Variants in IL1RAP observed in about 807,000 individuals in gnomAD.
IL1RAP encodes the protein interleukin-1 receptor accessory protein.
Under a neutral mutation model 60.7 loss-of-function variants are expected in IL1RAP, and 35 were observed. That is an observed-to-expected ratio of 0.58 (90% CI 0.44 to 0.76). IL1RAP has a LOEUF of 0.76. Ranked by LOEUF, IL1RAP falls within the 30% of genes least tolerant of loss-of-function variation. The probability of loss-of-function intolerance (pLI) is 0.00; values close to 1 mark genes in which losing one functional copy is unlikely to be tolerated. For missense variants in IL1RAP, 572 were observed against 693.9 expected (o/e 0.82, Z 1.97); for synonymous variants, 268 against 250.9 (o/e 1.07, Z -0.64).
chr3:190,656,527 C>G (rs1277681059), exon 12 of IL1RAP: 3 of 1,537,094 alleles, frequency 2.0e-6, no homozygotes, highest in Non-Finnish European at 2.6e-6. Flanking sequence ...CAGATTGGAA[C>G]CCCCTGCTCC....
At chr3:190,583,840 C>G (rs1479996185) in intron 3 of IL1RAP, among the ~76,000 whole-genome samples, 2 of 152,274 alleles carry the variant, frequency 1.3e-5, no homozygotes, top group Non-Finnish European at 2.9e-5. Flanking sequence ...CAAGTAAAGC[C>G]AAGTCTCTAA....
chr3:190,579,562 T>TCCTA (rs1405504101), intron 3 of IL1RAP, among the ~76,000 whole-genome samples: 2 of 152,182 alleles, frequency 1.3e-5, no homozygotes, highest in East Asian at 3.8e-4. Flanking sequence ...CCCAAGGGAT[T>TCCTA]CCTACCTTTT....
At chr3:190,613,802 C>T (rs1031797324) in intron 5 of IL1RAP, among the ~76,000 whole-genome samples, 1 of 151,476 alleles carries the variant, frequency 6.6e-6, no homozygotes, top group African/African-American at 2.4e-5. Flanking sequence ...CACTGCACTC[C>T]AGCCTGGGCA....
intron 1 of IL1RAP, among the ~76,000 whole-genome samples, chr3:190,529,289 G>T (rs747063322): frequency 1.3e-5 from 2 of 152,082 alleles, no homozygotes; most frequent in Non-Finnish European, 2.9e-5. Context: ...TGTAATCCCC[G>T]CACTTTGGGA....
intron 1 of IL1RAP, among the ~76,000 whole-genome samples, chr3:190,526,667 G>A (rs918545944): frequency 6.6e-6 from 1 of 152,208 alleles, no homozygotes; most frequent in Non-Finnish European, 1.5e-5. Flanking sequence ...CATGAAGTGT[G>A]CATGTAAAGC....
At chr3:190,516,730 G>GA (rs10555254) in intron 1 of IL1RAP, among the ~76,000 whole-genome samples, 3,632 of 149,652 alleles carry the variant, frequency 0.024, 118 homozygotes, top group African/African-American at 0.08. Context: ...TTCTAAAATG[G>GA]AAAAAAAAAA....
chr3:190,588,410 C>T (rs1279479330), intron 3 of IL1RAP, among the ~76,000 whole-genome samples: 1 of 152,244 alleles, frequency 6.6e-6, no homozygotes, highest in Non-Finnish European at 1.5e-5. Context: ...CCATGCCCGG[C>T]CTACATCTTT....
intron 3 of IL1RAP, among the ~76,000 whole-genome samples, chr3:190,575,681 A>T (rs1727379142): frequency 1.3e-5 from 2 of 152,210 alleles, no homozygotes. Flanking sequence ...GTGTTGTTAC[A>T]TTTACTTGAA....
chr3:190,572,628 T>G (rs1332606006), intron 3 of IL1RAP, among the ~76,000 whole-genome samples: 1 of 152,216 alleles, frequency 6.6e-6, no homozygotes, highest in African/African-American at 2.4e-5. Context: ...ATACCACATT[T>G]AAATACTCCC....
rs774006014 is a variant in IL1RAP, at chr3:190,644,401, AG to A, written c.1201+5del. 3.7e-6 allele frequency: 6 copies of A among 1,610,616 alleles called. No homozygotes were observed. The Admixed American group carries it at 1.0e-4, about 27-fold the overall frequency. The stretch of plus-strand genomic sequence containing the variant: ...GGAACAGATGAAACCATTTTAGGTA[AG>A]TAACAGAAATTTGACATAAACCTCT... On this transcript the variant is annotated splice_donor_5th_base_variant and intron_variant, in intron 10 of 11. Transcript: ENST00000447382.
chr3:190,573,086 A>G (rs1265480623), intron 3 of IL1RAP, among the ~76,000 whole-genome samples: 1 of 52,068 alleles, frequency 1.9e-5, no homozygotes, highest in South Asian at 4.8e-4. Context: ...GATGGTCTCG[A>G]TCTCCTGACC....
intron 3 of IL1RAP, among the ~76,000 whole-genome samples, chr3:190,580,609 G>C (rs185035185): frequency 3.9e-5 from 6 of 152,268 alleles, no homozygotes; most frequent in Non-Finnish European, 8.8e-5. Flanking sequence ...ACTCATAGAA[G>C]CTGGGAGTAG....
rs1189853964 is a variant in IL1RAP, at chr3:190,623,396, G to T, written c.756G>T (p.Val252=). 1 of 1,612,528 alleles carries T rather than the reference G, an allele frequency of 6.2e-7. No individual in the cohort carries two copies. Among genetic ancestry groups the T allele is most frequent in the African/African-American group, 1.3e-5 (1 of 74,854 alleles). The change falls in exon 7 of 12, where the codon GTG becomes GTT. Residue 252 remains valine, a synonymous_variant. Coordinates refer to ENST00000447382, the MANE Select transcript of IL1RAP (RefSeq NM_002182.4). ...PPVIHSPNDH[V]VYEKEPGEEL... ...TGATCCATTCACCTAATGATCATGT[G>T]GTCTATGAGAAAGAACCAGGTAATT...
chr3:190,623,199 A>T, intron 6 of IL1RAP, 145 bp from the exon 7 acceptor site: 1 of 628,406 alleles, frequency 1.6e-6, no homozygotes, highest in South Asian at 1.9e-5. Context: ...AAGTGCAGTA[A>T]TTGAGTATAT....
chr3:190,575,680 C>A (rs1009454505), intron 3 of IL1RAP, among the ~76,000 whole-genome samples: 1 of 152,282 alleles, frequency 6.6e-6, no homozygotes, highest in South Asian at 2.1e-4. Flanking sequence ...GGTGTTGTTA[C>A]ATTTACTTGA....
At chr3:190,600,378 A>G (rs1374411441) in intron 3 of IL1RAP, among the ~76,000 whole-genome samples, 1 of 152,152 alleles carries the variant, frequency 6.6e-6, no homozygotes, top group Non-Finnish European at 1.5e-5. Flanking sequence ...AAAGCATGTA[A>G]CTTTTTTATA....
rs576365300 is a variant in IL1RAP, at chr3:190,612,191, G to A, written c.537+3010G>A. ...CATAGTCTCAATTAATACTTGTTGA[G>A]GCTAGTAAAGATACAGGAGCTCGTT... On this transcript the variant is annotated intron_variant, in intron 5 of 11. Coordinates refer to ENST00000447382, the MANE Select transcript of IL1RAP (RefSeq NM_002182.4). Among the ~76,000 whole-genome samples the A allele has an allele frequency of 2.6e-5, 4 of 152,092 alleles. No homozygotes were observed. In the East Asian group the frequency reaches 7.7e-4, roughly 29 times the overall value.
chr3:190,652,394 G>A (rs554537465), downstream of IL1RAP, among the ~76,000 whole-genome samples: 9 of 151,824 alleles, frequency 5.9e-5, no homozygotes, highest in South Asian at 2.1e-4. Flanking sequence ...CCCGGGAGGC[G>A]GAGATTGCAG....
chr3:190,537,379 A>G (rs1387378205), intron 1 of IL1RAP, among the ~76,000 whole-genome samples: 2 of 151,996 alleles, frequency 1.3e-5, no homozygotes, highest in Non-Finnish European at 2.9e-5. Context: ...CTGTACGAAA[A>G]CCTATGCACT....
Sources: gnomAD v4.1 joint callset for allele counts (sites outside exome capture counted in the v4.1 genomes callset) on GRCh38, gnomAD v4.1.1 for gene constraint, MANE v1.5 for transcripts, NCBI Gene and HGNC (gene_info 2026-07-23, HGNC 2026-07-21) for gene names.